Variants in MAF observed in about 807,000 individuals in gnomAD.
The protein encoded by MAF is MAF bZIP transcription factor, also known as transcription factor Maf.
Under a neutral mutation model 22.0 loss-of-function variants are expected in MAF, and 10 were observed. The ratio of observed to expected loss-of-function variants is 0.45; its 90% CI spans 0.28 to 0.77. MAF has a LOEUF of 0.77. Ranked by LOEUF, MAF falls within the 30% of genes least tolerant of loss-of-function variation. The pLI is 0.12. For synonymous variants in MAF, 337 were observed against 255.8 expected, an observed-to-expected ratio of 1.32 and a Z score of -3.03; for missense variants, 544 against 548.4, an observed-to-expected ratio of 0.99 and a Z score of 0.08.
chr16:79,251,799 C>G, the MAF span, among the ~76,000 whole-genome samples: 1 of 152,184 alleles, frequency 6.6e-6, no homozygotes, highest in Non-Finnish European at 1.5e-5. Context: ...GATCAGGTAT[C>G]TATTCTCCGA....
chr16:79,273,949 C>CGT, the MAF span, among the ~76,000 whole-genome samples: 1 of 86,458 alleles, frequency 1.2e-5, no homozygotes, highest in Non-Finnish European at 2.2e-5. Flanking sequence ...TCGTGTCTGC[C>CGT]TTTTTTTTTT....
the MAF span, among the ~76,000 whole-genome samples, chr16:79,308,573 C>T: frequency 6.6e-6 from 1 of 152,160 alleles, no homozygotes; most frequent in African/African-American, 2.4e-5. Flanking sequence ...ATGCTTTATT[C>T]TGTGTAGGAA....
chr16:79,212,549 C>T, the MAF span: 195 of 169,218 alleles, frequency 1.2e-3, no homozygotes, highest in African/African-American at 4.4e-3. Context: ...GAGAATAAAA[C>T]GTTAGTTAAT....
chr16:79,243,759 A>G, the MAF span, among the ~76,000 whole-genome samples: 11 of 152,172 alleles, frequency 7.2e-5, no homozygotes, highest in East Asian at 1.7e-3. Flanking sequence ...CAGAGACACA[A>G]CAAAAAAAGA....
chr16:79,538,856 AAAAGAAAAGAAAAGAAAAGAAAG>A, the MAF span, among the ~76,000 whole-genome samples: 43 of 34,898 alleles, frequency 1.2e-3, no homozygotes, highest in Middle Eastern at 9.8e-3. Context: ...GAAAGAAAAG[AAAAGAAAAGAAAAGAAAAGAAAG>A]AAAGAAAGAA....
At chr16:79,558,214 T>C in the MAF span, among the ~76,000 whole-genome samples, 1 of 151,982 alleles carries the variant, frequency 6.6e-6, no homozygotes, top group Non-Finnish European at 1.5e-5. Flanking sequence ...GGAAAGAGTG[T>C]GAAAGAGAAA....
chr16:79,510,580 C>A, the MAF span, among the ~76,000 whole-genome samples: 1 of 152,102 alleles, frequency 6.6e-6, no homozygotes, highest in East Asian at 1.9e-4. Flanking sequence ...AGTTGCTCAT[C>A]AAAGGGACAA....
the MAF span, among the ~76,000 whole-genome samples, chr16:79,411,469 C>T: frequency 6.6e-6 from 1 of 152,170 alleles, no homozygotes; most frequent in Non-Finnish European, 1.5e-5. Context: ...GCCTGCATGA[C>T]AATGAACATT....
At chr16:79,482,138 A>G in the MAF span, among the ~76,000 whole-genome samples, 3 of 152,212 alleles carry the variant, frequency 2.0e-5, no homozygotes, top group African/African-American at 7.2e-5. Flanking sequence ...CTTATTAAAG[A>G]GACTCAACTG....
At chr16:79,276,767 A>G in the MAF span, among the ~76,000 whole-genome samples, 1 of 152,166 alleles carries the variant, frequency 6.6e-6, no homozygotes, top group Non-Finnish European at 1.5e-5. Flanking sequence ...TTGCCTAACA[A>G]ATGACCATAA....
At chr16:79,452,571 T>C in the MAF span, among the ~76,000 whole-genome samples, 2 of 152,158 alleles carry the variant, frequency 1.3e-5, no homozygotes, top group African/African-American at 4.8e-5. Context: ...ACCCTCTCAT[T>C]TTCTCAGGGC....
the MAF span, among the ~76,000 whole-genome samples, chr16:79,221,749 T>C: frequency 2.0e-5 from 3 of 151,610 alleles, no homozygotes; most frequent in Non-Finnish European, 4.4e-5. Flanking sequence ...GTATACGTGA[T>C]TGTGTGTGTA....
the MAF span, among the ~76,000 whole-genome samples, chr16:79,330,237 T>A: frequency 1.1e-4 from 16 of 152,302 alleles, no homozygotes; most frequent in African/African-American, 3.8e-4. Flanking sequence ...ATTCCAAGCA[T>A]AATTTGACGC....
At chr16:79,533,969 C>T in the MAF span, among the ~76,000 whole-genome samples, 4 of 152,190 alleles carry the variant, frequency 2.6e-5, no homozygotes, top group African/African-American at 9.7e-5. Flanking sequence ...AATTCATGCC[C>T]TCCTGTTCAT....
the MAF span, among the ~76,000 whole-genome samples, chr16:79,386,996 TTAAC>T: frequency 1.3e-5 from 2 of 152,198 alleles, no homozygotes; most frequent in Non-Finnish European, 2.9e-5. Flanking sequence ...GCTTAACAAT[TTAAC>T]TATACCCCAA....
chr16:79,320,790 T>C, the MAF span, among the ~76,000 whole-genome samples: 2 of 151,504 alleles, frequency 1.3e-5, no homozygotes, highest in South Asian at 2.1e-4. Context: ...ATGGGTGACG[T>C]TTATAGAGTA....
chr16:79,364,654 G>T, the MAF span, among the ~76,000 whole-genome samples: 1 of 152,170 alleles, frequency 6.6e-6, no homozygotes, highest in East Asian at 1.9e-4. Context: ...CGTGGTGTCA[G>T]TTTCCAGAAT....
chr16:79,592,446 G>A (rs1913243458), downstream of MAF, among the ~76,000 whole-genome samples: 1 of 152,188 alleles, frequency 6.6e-6, no homozygotes, highest in Non-Finnish European at 1.5e-5. Context: ...TCTGAATTTT[G>A]AAGATTTACA....
chr16:79,428,418 G>A, the MAF span, among the ~76,000 whole-genome samples: 1 of 152,198 alleles, frequency 6.6e-6, no homozygotes, highest in Non-Finnish European at 1.5e-5. Context: ...GGACAATGTT[G>A]CACGGGACGT....
Sources: allele counts gnomAD v4.1 joint callset (sites outside exome capture counted in the v4.1 genomes callset), GRCh38; gene constraint gnomAD v4.1.1; transcripts MANE v1.5; gene names NCBI Gene and HGNC (gene_info 2026-07-23, HGNC 2026-07-21).